The following HEPH variants were observed in gnomAD, a reference collection of about 807,000 sequenced individuals.
HEPH encodes hephaestin.
A neutral mutation model predicts 80.8 loss-of-function variants in HEPH; 69 were observed. The observed-to-expected ratio is 0.85, with a 90% confidence interval of 0.70 to 1.04. HEPH has a LOEUF of 1.04. Ranked by LOEUF, HEPH falls within the 50% of genes least tolerant of loss-of-function variation. HEPH has a pLI of 0.00. For missense variants in HEPH, 1,115 were observed against 891.3 expected, an observed-to-expected ratio of 1.25 and a Z score of -3.20; for synonymous variants, 431 against 322.8, an observed-to-expected ratio of 1.34 and a Z score of -3.60.
In HEPH at chrX:66,256,096, C is replaced by T. The variant is rs765286692; in HGVS notation, c.2671-9C>T. The T allele has an allele frequency of 8.4e-6, 10 of 1,188,690 alleles. No individual in the cohort carries two copies. The highest frequency in any genetic ancestry group is 1.1e-5 in the Non-Finnish European group (10 of 878,421). ...TCTTTCTCTCTCTCCCACTTCCTCC[C>T]TTCCTCAGGACATGTATAGTGGCCT... is the stretch of plus-strand genomic sequence containing the variant. On this transcript the variant is annotated splice_polypyrimidine_tract_variant and intron_variant, in intron 16 of 20. Coordinates refer to ENST00000343002, the MANE Select transcript of HEPH (RefSeq NM_001367233.3).
chrX:66,212,413 C>G (rs1026746198), intron 15 of HEPH, among the ~76,000 whole-genome samples: 1 of 111,166 alleles, frequency 9.0e-6, no homozygotes, highest in African/African-American at 3.3e-5. Context: ...TTTGCCTCAA[C>G]CAATGTTCAG....
chrX:66,254,503 G>T (rs1183770050), intron 15 of HEPH, among the ~76,000 whole-genome samples: 2 of 111,118 alleles, frequency 1.8e-5, no homozygotes, highest in East Asian at 5.7e-4. Flanking sequence ...ATCTTTAAAA[G>T]ATATTCAGCA....
chrX:66,165,433 C>T (rs1003544755), intron 1 of HEPH, among the ~76,000 whole-genome samples: 2 of 111,408 alleles, frequency 1.8e-5, no homozygotes, highest in Non-Finnish European at 3.8e-5. Context: ...GACAGGGCCC[C>T]AAAGATGGCT....
chrX:66,229,118 T>A (rs1457951299), intron 15 of HEPH, among the ~76,000 whole-genome samples: 1 of 112,021 alleles, frequency 8.9e-6, no homozygotes, highest in Non-Finnish European at 1.9e-5. Context: ...TGCAAAAATA[T>A]GGAACCAGCT....
intron 19 of HEPH, among the ~76,000 whole-genome samples, chrX:66,260,651 T>G (rs1471200013): frequency 1.8e-5 from 2 of 112,563 alleles, no homozygotes; most frequent in Non-Finnish European, 3.8e-5. Context: ...GAGTAACTGA[T>G]TATTTCAAGG....
At chrX:66,258,383 G>A (rs901128466) in intron 17 of HEPH, among the ~76,000 whole-genome samples, 2 of 111,428 alleles carry the variant, frequency 1.8e-5, no homozygotes, top group African/African-American at 6.5e-5. Context: ...GTAAAAGAAG[G>A]CAGGATTTCT....
chrX:66,267,500 A>C (rs2091571018), downstream of HEPH: 1 of 111,926 alleles, frequency 8.9e-6, no homozygotes, highest in Non-Finnish European at 1.9e-5. Flanking sequence ...GCCTTTGTAG[A>C]ACCTACAAGT....
intron 15 of HEPH, among the ~76,000 whole-genome samples, chrX:66,211,030 G>T (rs908276534): frequency 9.0e-6 from 1 of 111,333 alleles, no homozygotes; most frequent in African/African-American, 3.3e-5. Flanking sequence ...TTGAGATATG[G>T]ATCTGTAACT....
chrX:66,211,356 A>G (rs1462018350), intron 15 of HEPH, among the ~76,000 whole-genome samples: 1 of 111,415 alleles, frequency 9.0e-6, no homozygotes, highest in Non-Finnish European at 1.9e-5. Context: ...GAATATGTAC[A>G]GTGTCCATCA....
At chrX:66,163,831 T>TAA (rs1333329372), upstream of HEPH, among the ~76,000 whole-genome samples, 1 of 112,292 alleles carries the variant, frequency 8.9e-6, no homozygotes, top group East Asian at 2.8e-4. Flanking sequence ...GAGACTTAAA[T>TAA]AAGAGAATGC....
At chrX:66,171,535 A>AT (rs1432325917) in intron 2 of HEPH, among the ~76,000 whole-genome samples, 2 of 111,641 alleles carry the variant, frequency 1.8e-5, no homozygotes, top group Admixed American at 1.9e-4. Flanking sequence ...ACCATGACTC[A>AT]TTTTTTTCTC....
At position 66,258,820 on chromosome X, in the gene HEPH, C is replaced by A. The variant is rs749163222; in HGVS notation, c.2897-20C>A. 8 of 1,119,829 alleles carry A rather than the reference C, an allele frequency of 7.1e-6. No individual in the cohort carries two copies. The highest frequency in any genetic ancestry group is 9.4e-6 in the Non-Finnish European group (8 of 849,174). The allele number at this position is 1,119,829 out of a possible 1,213,427, so 92.3% of individuals were successfully genotyped here. ...GAAGCTTTTTCTTTTCTTTTCTTTT[C>A]TTTTCTTTTTTTTTGACAGCAATCA... On this transcript the variant is annotated intron_variant, in intron 17 of 20. Coordinates refer to ENST00000343002, the MANE Select transcript of HEPH (RefSeq NM_001367233.3).
At position 66,208,131 on chromosome X, in the gene HEPH, T is replaced by A; in HGVS notation, c.2448T>A (p.Gly816=). 8.4e-7 allele frequency: 1 copy of A among 1,194,336 alleles called. No homozygotes were observed. Among genetic ancestry groups the A allele is most frequent in the Non-Finnish European group, 1.1e-6 (1 of 882,922 alleles). ...TTACATTAGGTCCACTTATCAAAGG[T>A]GAAGTTGGTGATATCCTGACTGTGG... ...HLGILGPLIK[G]EVGDILTVVF... Residue 816 remains glycine, a synonymous_variant, in exon 15 of 21, where the codon GGT becomes GGA. Transcript: ENST00000343002.
rs997847827 is a variant in HEPH, at chrX:66,266,763, G to A, written c.*91G>A. 3.7e-6 allele frequency: 2 copies of A among 541,829 alleles called. No homozygotes were observed. Among genetic ancestry groups the A allele is most frequent in the African/African-American group, 2.4e-5 (1 of 42,425 alleles). The allele number at this position is 541,829 out of a possible 1,213,427, so 44.7% of individuals were successfully genotyped here. A position where few individuals can be genotyped will look rare whatever the true frequency, so the allele number is the denominator to read the frequency against. On this transcript the variant is annotated 3_prime_UTR_variant, in exon 21 of 21. Coordinates refer to ENST00000343002, the MANE Select transcript of HEPH (RefSeq NM_001367233.3). ...AGTCACTAACCCCACACTCAAAGGG[G>A]CATGGGTGGTGGAGAAGCAGAAGGA...
chrX:66,230,980 C>T (rs1350362868), intron 15 of HEPH, among the ~76,000 whole-genome samples: 2 of 107,499 alleles, frequency 1.9e-5, no homozygotes, highest in Non-Finnish European at 3.9e-5. Flanking sequence ...GATCCAGTTT[C>T]AGCTTTCTAC....
chrX:66,263,752 A>G, intron 20 of HEPH, 64 bp downstream of exon 20: 10 of 1,062,385 alleles, frequency 9.4e-6, no homozygotes, highest in Non-Finnish European at 1.3e-5. Flanking sequence ...AGGTTGGGTG[A>G]AGTACCTTTA....
intron 15 of HEPH, among the ~76,000 whole-genome samples, chrX:66,253,294 A>G (rs2091064963): frequency 8.9e-6 from 1 of 112,186 alleles, no homozygotes; most frequent in African/African-American, 3.2e-5. Flanking sequence ...AAAATGGGCA[A>G]AGGATTTGAA....
chrX:66,241,953 T>A (rs1400534993), intron 15 of HEPH, among the ~76,000 whole-genome samples: 1 of 110,374 alleles, frequency 9.1e-6, no homozygotes, highest in Non-Finnish European at 1.9e-5. Flanking sequence ...AAACAATTTG[T>A]AGATTCAATG....
Position 66,256,325 on chromosome X carries a change from T to C in HEPH, c.2891T>C (p.Met964Thr). ...GAAACTTTCTTGGAGAGCAATAAAA[T>C]GCATGGTCAGTAGTAAAAAACCTAC... is the stretch of plus-strand genomic sequence containing the variant. Reference protein sequence around the residue: ...QDETFLESNKMHAINGKLYAN... With the variant: ...QDETFLESNKTHAINGKLYAN... Residue 964 changes from methionine to threonine, a missense_variant, in exon 17 of 21, where the codon ATG becomes ACG. Coordinates refer to ENST00000343002, the MANE Select transcript of HEPH (RefSeq NM_001367233.3). 2 of 1,193,204 alleles carry C rather than the reference T, an allele frequency of 1.7e-6. No individual in the cohort carries two copies. The highest frequency in any genetic ancestry group is 2.3e-6 in the Non-Finnish European group (2 of 879,624).
Sources: gnomAD v4.1 joint callset for allele counts (sites outside exome capture counted in the v4.1 genomes callset) on GRCh38, gnomAD v4.1.1 for gene constraint, MANE v1.5 for transcripts, NCBI Gene and HGNC (gene_info 2026-07-23, HGNC 2026-07-21) for gene names.